Variants in SLC25A25 observed in about 807,000 individuals in gnomAD.
The protein encoded by SLC25A25 is solute carrier family 25 member 25.
SLC25A25 carries 32 observed loss-of-function variants against 57.7 expected under a neutral mutation model. That is an observed-to-expected ratio of 0.55 (90% confidence interval 0.42 to 0.74). SLC25A25 has a LOEUF of 0.74. Ranked by LOEUF, SLC25A25 falls within the 30% of genes least tolerant of loss-of-function variation. The pLI is 0.00. For synonymous variants in SLC25A25, 306 were observed against 291.2 expected, an observed-to-expected ratio of 1.05 and a Z score of -0.52; for missense variants, 556 against 701.3, an observed-to-expected ratio of 0.79 and a Z score of 2.34.
chr9:128,068,935 C>A (rs1436808236), intron 1 of SLC25A25, among the ~76,000 whole-genome samples: 1 of 152,212 alleles, frequency 6.6e-6, no homozygotes, highest in African/African-American at 2.4e-5. Flanking sequence ...AGGATGGGTT[C>A]ATCCATCAGT....
chr9:128,100,270 G>A lies in SLC25A25; in HGVS notation c.262-826G>A, dbSNP rs1009104587. Among the ~76,000 whole-genome samples the A allele has an allele frequency of 2.6e-5, 4 of 152,126 alleles. No homozygotes were observed. In the South Asian group the frequency reaches 8.3e-4, roughly 31 times the overall value. ...CCGGTGCTAGGTGCTGGGGAAATGTGTGCTCTCGTGGAGCTGTCCCAGTTG... is the reference window on the plus strand; with the variant it reads ...CCGGTGCTAGGTGCTGGGGAAATGTATGCTCTCGTGGAGCTGTCCCAGTTG... On this transcript the variant is annotated intron_variant, in intron 1 of 10. Transcript: ENST00000373069.
rs1025326519 is a variant in SLC25A25 at position 128,103,727 on chromosome 9, T to C, written c.671T>C (p.Val224Ala). ...ENLTVPDEFT[V>A]EERQTGMWWR... ...CTAACGGTCCCGGATGAGTTCACAG[T>C]GGAGGAGAGGCAGACGGGGATGTGG... Residue 224 changes from valine (V) to alanine (A), a missense_variant, in exon 6 of 11, where the codon GTG becomes GCG. Val to Ala is a moderately conservative substitution (Grantham distance 64, BLOSUM62 0). This residue lies in a region of SLC25A25 where 14 missense variants were observed against 38.2 expected (regional missense o/e 0.37). Transcript: ENST00000373069. The surrounding 1 kb of genome is among the most constrained non-coding windows in gnomAD (Gnocchi z 6.7). The C allele has an allele frequency of 6.2e-7, 1 of 1,614,042 alleles. No homozygotes were observed. Among genetic ancestry groups the C allele is most frequent in the Non-Finnish European group, 8.5e-7 (1 of 1,179,998 alleles).
chr9:128,106,912 C>G (rs1834063364), intron 9 of SLC25A25, 117 bp from the exon 10 acceptor site: 2 of 1,305,044 alleles, frequency 1.5e-6, no homozygotes, highest in African/African-American at 2.9e-5. Context: ...AGGAGCCCAG[C>G]CAGGCCCCAG....
intron 1 of SLC25A25, among the ~76,000 whole-genome samples, chr9:128,073,535 A>C (rs915328171): frequency 1.3e-5 from 2 of 152,228 alleles, no homozygotes; most frequent in Non-Finnish European, 2.9e-5. Context: ...GTTTATCAAA[A>C]GAGCCAGACT....
chr9:128,076,434 CTTTTTTTTTATTTTTATT>C (rs1251127121), intron 1 of SLC25A25, among the ~76,000 whole-genome samples: 16 of 146,834 alleles, frequency 1.1e-4, no homozygotes, highest in East Asian at 6.3e-4. Flanking sequence ...CCCAGCCTAA[CTTTTTTTTTATTTTTATT>C]TTTATTTTTA....
chr9:128,106,110 C>G lies in SLC25A25; in HGVS notation c.937-40C>G, dbSNP rs1302542580. 1.1e-5 allele frequency: 17 copies of G among 1,612,406 alleles called. No individual in the cohort carries two copies. In the Admixed American group the frequency reaches 2.7e-4, roughly 25 times the overall value. On this transcript the variant is annotated intron_variant, in intron 7 of 10. Coordinates refer to ENST00000373069, the MANE Select transcript of SLC25A25 (RefSeq NM_001330988.2). ...GAGGGGCAGCAGCAGGTGCCCCAACCTCTGGGTATATCAGGTGGTTTGTTT... is the reference window on the plus strand; with the variant it reads ...GAGGGGCAGCAGCAGGTGCCCCAACGTCTGGGTATATCAGGTGGTTTGTTT...
Position 128,107,920 on chromosome 9 carries a change from A to G in SLC25A25, c.*476A>G. On this transcript the variant is annotated 3_prime_UTR_variant, in exon 11 of 11. Transcript: ENST00000373069. ...AGCCCACATCCCACCCCCTCGTCCA[A>G]TCCCATAATCCATGATGAAAGGTGA... 2.5e-6 allele frequency: 1 copy of G among 399,386 alleles called. No homozygotes were observed. Among genetic ancestry groups the G allele is most frequent in the East Asian group, 3.6e-5 (1 of 28,080 alleles). 24.7% of individuals were successfully genotyped at this position (399,386 alleles called of 1,614,324 possible).
At chr9:128,079,027 A>G (rs1161031710) in intron 1 of SLC25A25, among the ~76,000 whole-genome samples, 1 of 152,172 alleles carries the variant, frequency 6.6e-6, no homozygotes, top group Non-Finnish European at 1.5e-5. Flanking sequence ...ACGGGATATA[A>G]AAGACTCAAC....
chr9:128,068,418 G>A lies in SLC25A25; in HGVS notation c.99G>A (p.Gly33=). The A allele has an allele frequency of 6.4e-7, 1 of 1,558,628 alleles. No homozygotes were observed. Among genetic ancestry groups the A allele is most frequent in the Non-Finnish European group, 8.6e-7 (1 of 1,163,082 alleles). The change falls in exon 1 of 11, where the codon GGG becomes GGA. Residue 33 remains glycine (G), a synonymous_variant. Transcript: ENST00000373069. ...CTGCCTCATCGCCGGCGTCCGTGGG[G>A]GACCCCTGCGGCGGCGCTATCTGCG... The part of the protein sequence containing the change: ...SSSASSPASV[G]DPCGGAICGG...
chr9:128,079,603 CAAAAAAAAAAAA>C (rs531439672), intron 1 of SLC25A25, among the ~76,000 whole-genome samples: 4 of 48,046 alleles, frequency 8.3e-5, no homozygotes, highest in African/African-American at 6.5e-5. Flanking sequence ...ACTAAAAATA[CAAAAAAAAAAAA>C]AAAAAAAAAA....
At chr9:128,078,773 G>A (rs1833075008) in intron 1 of SLC25A25, among the ~76,000 whole-genome samples, 1 of 152,208 alleles carries the variant, frequency 6.6e-6, no homozygotes, top group South Asian at 2.1e-4. Context: ...AGGCTCGGAG[G>A]CTGGGTTGCT....
At chr9:128,097,651 G>C (rs1833599869) in intron 1 of SLC25A25, among the ~76,000 whole-genome samples, 2 of 152,340 alleles carry the variant, frequency 1.3e-5, no homozygotes, top group African/African-American at 2.4e-5. Context: ...CTGTGACTAA[G>C]ACTGGGCTCC....
In SLC25A25 at chr9:128,087,658, C is replaced by T. The variant is rs186630482; in HGVS notation, c.262-13438C>T. Reference sequence around the variant, plus strand: ...ATTTCTTTAAACTATTTTTTCAGCCCCCTCCTTCATGGACTCCAGCTATGG... The same window carrying T: ...ATTTCTTTAAACTATTTTTTCAGCCTCCTCCTTCATGGACTCCAGCTATGG... On this transcript the variant is annotated intron_variant, in intron 1 of 10. Transcript: ENST00000373069. 2.7e-3 allele frequency among the ~76,000 whole-genome samples: 405 copies of T among 151,832 alleles called. 2 individuals are homozygous for T. The highest frequency in any genetic ancestry group is 9.4e-3 in the African/African-American group (388 of 41,328).
intron 1 of SLC25A25, among the ~76,000 whole-genome samples, chr9:128,072,777 CA>C (rs2096905306): frequency 6.6e-6 from 1 of 152,194 alleles, no homozygotes; most frequent in South Asian, 2.1e-4. Context: ...GAGACTCAGC[CA>C]GAGCTAATTA....
In SLC25A25 at chr9:128,099,065, G is replaced by A; in HGVS notation, c.262-2031G>A. 1.0e-6 allele frequency: 1 copy of A among 985,440 alleles called. No homozygotes were observed. The highest frequency in any genetic ancestry group is 1.2e-6 in the Non-Finnish European group (1 of 829,924). 61.0% of individuals were successfully genotyped at this position (985,440 alleles called of 1,614,324 possible). ...AGGCCAGTAGTGCATGGGAGGAGAA[G>A]GCAGGGAGGCCCAGGAGTTGAGGGT... On this transcript the variant is annotated intron_variant, in intron 1 of 10. Coordinates refer to ENST00000373069, the MANE Select transcript of SLC25A25 (RefSeq NM_001330988.2). The surrounding 1 kb of genome is among the most constrained non-coding windows in gnomAD (Gnocchi z 6.8).
rs1833053359 is a variant in SLC25A25, at chr9:128,077,869, T to TA, written c.261+9290dup. Among the ~76,000 whole-genome samples, 11 of 151,590 alleles carry TA rather than the reference T, an allele frequency of 7.3e-5. No homozygotes were observed. The South Asian group carries it at 2.3e-3, about 32-fold the overall frequency. ...GTAGAAACCCCAGCTCTACTAAAAATACAAAAATTAGCCGAGCATGGTGGC... is the reference window on the plus strand; with the variant it reads ...GTAGAAACCCCAGCTCTACTAAAAATAACAAAAATTAGCCGAGCATGGTGGC... On this transcript the variant is annotated intron_variant, in intron 1 of 10. Transcript: ENST00000373069.
chr9:128,098,146 G>A (rs1435483008), intron 1 of SLC25A25, among the ~76,000 whole-genome samples: 1 of 152,256 alleles, frequency 6.6e-6, no homozygotes, highest in Non-Finnish European at 1.5e-5. Context: ...TGTGTGACAC[G>A]TTTGGGGACC....
At chr9:128,079,945 C>G (rs1346163455) in intron 1 of SLC25A25, among the ~76,000 whole-genome samples, 1 of 151,412 alleles carries the variant, frequency 6.6e-6, no homozygotes, top group Non-Finnish European at 1.5e-5. Flanking sequence ...CAGCCCAGAT[C>G]GTGCCACTGC....
intron 1 of SLC25A25, among the ~76,000 whole-genome samples, chr9:128,090,765 G>C (rs1474784503): frequency 6.6e-6 from 1 of 152,138 alleles, no homozygotes; most frequent in Non-Finnish European, 1.5e-5. Flanking sequence ...TGAGCCAAGA[G>C]CGACCCACTG....
Sources: allele counts gnomAD v4.1 joint callset (sites outside exome capture counted in the v4.1 genomes callset), GRCh38; gene constraint gnomAD v4.1.1; regional missense constraint gnomAD v4.1.1; non-coding constraint Gnocchi (gnomAD v3.1); transcripts MANE v1.5; gene names NCBI Gene and HGNC (gene_info 2026-07-23, HGNC 2026-07-21).